Variants in ZRANB3 observed in about 807,000 individuals in gnomAD.
ZRANB3 encodes zinc finger RANBP2-type containing 3, also known as DNA annealing helicase and endonuclease ZRANB3.
Under a neutral mutation model 133.8 loss-of-function variants are expected in ZRANB3, and 125 were observed. The observed-to-expected ratio is 0.93, with a 90% CI of 0.81 to 1.08. ZRANB3 has a LOEUF of 1.08. ZRANB3 is among the 50% of genes least tolerant of loss of function. The pLI is 0.00. For synonymous variants in ZRANB3, 387 were observed against 432.7 expected, an observed-to-expected ratio of 0.89 and a Z score of 1.31; for missense variants, 1,229 against 1,275.5, an observed-to-expected ratio of 0.96 and a Z score of 0.56.
chr2:135,496,348 T>C (rs571645793), intron 2 of ZRANB3, among the ~76,000 whole-genome samples: 109 of 130,120 alleles, frequency 8.4e-4, no homozygotes, highest in African/African-American at 3.0e-3. Flanking sequence ...GGCACCACTG[T>C]ACTCCAGCCT....
intron 3 of ZRANB3, among the ~76,000 whole-genome samples, chr2:135,385,948 T>G (rs1340993349): frequency 1.3e-5 from 2 of 152,090 alleles, no homozygotes; most frequent in Non-Finnish European, 2.9e-5. Flanking sequence ...ACTTCATGAC[T>G]AAAACACCAA....
chr2:135,270,995 A>C (rs2105119541), intron 10 of ZRANB3, among the ~76,000 whole-genome samples: 1 of 152,186 alleles, frequency 6.6e-6, no homozygotes, highest in East Asian at 1.9e-4. Flanking sequence ...CCCAATTTTT[A>C]GCAGGGCTAC....
rs536748975 is a variant in ZRANB3 at position 135,500,302 on chromosome 2, T to C, written c.161+4027A>G. 4.9e-4 allele frequency among the ~76,000 whole-genome samples: 74 copies of C among 152,284 alleles called. 1 individual carries two copies. The highest frequency in any genetic ancestry group is 3.4e-3 in the Middle Eastern group (1 of 294). ...TAGATATACATCAGAAATGTGTATA[T>C]ATATTCACCAAAAGATTTGTATAAG... On this transcript the variant is annotated intron_variant, in intron 2 of 20. Coordinates refer to ENST00000264159, the MANE Select transcript of ZRANB3 (RefSeq NM_032143.4).
At chr2:135,337,390 C>T (rs898394703) in intron 6 of ZRANB3, among the ~76,000 whole-genome samples, 5 of 152,188 alleles carry the variant, frequency 3.3e-5, no homozygotes, top group African/African-American at 1.2e-4. Context: ...GATACAAAGT[C>T]AACTTCCCCA....
chr2:135,476,173 T>C (rs1405352569), intron 2 of ZRANB3, among the ~76,000 whole-genome samples: 1 of 152,230 alleles, frequency 6.6e-6, no homozygotes. Context: ...GGAGCTTATA[T>C]GGATCTTCAT....
chr2:135,300,373 A>G (rs1300470363), intron 8 of ZRANB3, among the ~76,000 whole-genome samples: 1 of 152,196 alleles, frequency 6.6e-6, no homozygotes, highest in Non-Finnish European at 1.5e-5. Flanking sequence ...AAGATTTTAA[A>G]AAAACCATCA....
At chr2:135,525,815 T>C (rs1283381356) in intron 1 of ZRANB3, among the ~76,000 whole-genome samples, 2 of 143,734 alleles carry the variant, frequency 1.4e-5, no homozygotes, top group Non-Finnish European at 3.0e-5. Flanking sequence ...ACCATTGCAC[T>C]CTGGCCTGGG....
intron 2 of ZRANB3, among the ~76,000 whole-genome samples, chr2:135,450,812 T>G (rs1221328686): frequency 6.6e-6 from 1 of 152,196 alleles, no homozygotes; most frequent in African/African-American, 2.4e-5. Flanking sequence ...ATCCAGTCTC[T>G]GTGAGTTGAA....
intron 2 of ZRANB3, among the ~76,000 whole-genome samples, chr2:135,443,539 GA>G (rs937340827): frequency 1.6e-4 from 24 of 147,136 alleles, no homozygotes; most frequent in East Asian, 5.9e-4. Flanking sequence ...TTTAAAAAAA[GA>G]AAAAAAAAAG....
At chr2:135,376,649 T>C (rs1253961819) in intron 3 of ZRANB3, among the ~76,000 whole-genome samples, 1 of 152,140 alleles carries the variant, frequency 6.6e-6, no homozygotes. Flanking sequence ...AACTATGAAA[T>C]TGTTAAAAAT....
intron 6 of ZRANB3, among the ~76,000 whole-genome samples, chr2:135,331,729 G>C (rs1408952216): frequency 3.3e-5 from 5 of 152,042 alleles, no homozygotes; most frequent in Non-Finnish European, 7.4e-5. Context: ...GAATCTGGGT[G>C]CTCCTGTATT....
intron 8 of ZRANB3, among the ~76,000 whole-genome samples, chr2:135,298,910 T>A (rs1170248625): frequency 1.3e-5 from 2 of 152,120 alleles, no homozygotes; most frequent in African/African-American, 4.8e-5. Context: ...AGCACGGTTG[T>A]TCTGAGTCGC....
At chr2:135,360,445 G>A (rs975388162) in intron 3 of ZRANB3, among the ~76,000 whole-genome samples, 1 of 151,716 alleles carries the variant, frequency 6.6e-6, no homozygotes, top group Non-Finnish European at 1.5e-5. Context: ...GGTGGCTCAT[G>A]CCTGTATCCC....
intron 2 of ZRANB3, among the ~76,000 whole-genome samples, chr2:135,408,592 T>C (rs1688155031): frequency 6.6e-6 from 1 of 152,072 alleles, no homozygotes; most frequent in Admixed American, 6.6e-5. Context: ...CCAACAATGA[T>C]AGACTGGATT....
chr2:135,236,303 G>C (rs896245961), intron 12 of ZRANB3, among the ~76,000 whole-genome samples: 4 of 152,004 alleles, frequency 2.6e-5, no homozygotes, highest in Non-Finnish European at 4.4e-5. Flanking sequence ...ACAAACAAAT[G>C]GAAGAACATT....
At chr2:135,293,300 AG>A (rs1225352954) in intron 8 of ZRANB3, among the ~76,000 whole-genome samples, 1 of 151,860 alleles carries the variant, frequency 6.6e-6, no homozygotes, top group Admixed American at 6.6e-5. Context: ...CTCCTTGAAG[AG>A]GTCCTTCACT....
At chr2:135,281,554 C>A (rs1681103252) in intron 8 of ZRANB3, among the ~76,000 whole-genome samples, 1 of 152,110 alleles carries the variant, frequency 6.6e-6, no homozygotes, top group Non-Finnish European at 1.5e-5. Context: ...TTATAGGCTG[C>A]ACTTGATATC....
At chr2:135,480,924 T>G (rs1436816907) in intron 2 of ZRANB3, among the ~76,000 whole-genome samples, 1 of 146,076 alleles carries the variant, frequency 6.8e-6, no homozygotes, top group Non-Finnish European at 1.5e-5. Context: ...TTCATCCATG[T>G]CCCTACAAAG....
At chr2:135,453,431 A>G (rs1012546110) in intron 2 of ZRANB3, among the ~76,000 whole-genome samples, 1 of 152,234 alleles carries the variant, frequency 6.6e-6, no homozygotes, top group African/African-American at 2.4e-5. Context: ...TTTCTACTGC[A>G]TCATCAGGCT....
Sources: allele counts gnomAD v4.1 joint callset (sites outside exome capture counted in the v4.1 genomes callset), GRCh38; gene constraint gnomAD v4.1.1; transcripts MANE v1.5; gene names NCBI Gene and HGNC (gene_info 2026-07-23, HGNC 2026-07-21).